Variants in PTPRR observed in about 807,000 individuals in gnomAD.
PTPRR encodes protein tyrosine phosphatase receptor type R.
Under a neutral mutation model 77.2 loss-of-function variants are expected in PTPRR, and 38 were observed. The ratio of observed to expected loss-of-function variants is 0.49; its 90% CI spans 0.38 to 0.65. PTPRR has a LOEUF of 0.65. Among genes scored for constraint, PTPRR ranks in the 30% least tolerant of loss-of-function variants. PTPRR has a pLI of 0.00. For missense variants in PTPRR, 744 were observed against 799.2 expected, an observed-to-expected ratio of 0.93 and a Z score of 0.83; for synonymous variants, 299 against 283.1, an observed-to-expected ratio of 1.06 and a Z score of -0.57.
At chr12:70,811,064 G>T (rs1401165402) in intron 2 of PTPRR, among the ~76,000 whole-genome samples, 1 of 152,212 alleles carries the variant, frequency 6.6e-6, no homozygotes, top group South Asian at 2.1e-4. Context: ...GTAGGATGTA[G>T]ATTCCCTATA....
At chr12:70,812,145 T>C (rs1284443115) in intron 2 of PTPRR, among the ~76,000 whole-genome samples, 1 of 152,134 alleles carries the variant, frequency 6.6e-6, no homozygotes. Flanking sequence ...TTTTTTAGAT[T>C]AGAAAAAATT....
intron 2 of PTPRR, among the ~76,000 whole-genome samples, chr12:70,890,877 G>A (rs10879214): frequency 0.31 from 47,648 of 151,828 alleles, 7,619 homozygotes; most frequent in Middle Eastern, 0.39. Context: ...TATGGAATGG[G>A]TCTTCAAATC....
intron 2 of PTPRR, among the ~76,000 whole-genome samples, chr12:70,810,911 T>A (rs1425138479): frequency 2.6e-5 from 4 of 152,162 alleles, no homozygotes; most frequent in African/African-American, 7.2e-5. Context: ...TGACTGCACA[T>A]CCTGTCAGCA....
chr12:70,797,863 C>T (rs896928481), intron 2 of PTPRR, among the ~76,000 whole-genome samples: 7 of 152,050 alleles, frequency 4.6e-5, no homozygotes, highest in Non-Finnish European at 1.0e-4. Flanking sequence ...AGGGTTCCTG[C>T]CTGGACACTT....
intron 2 of PTPRR, among the ~76,000 whole-genome samples, chr12:70,773,854 T>C (rs1891034472): frequency 6.6e-6 from 1 of 152,260 alleles, no homozygotes; most frequent in Non-Finnish European, 1.5e-5. Flanking sequence ...GCATCCATTA[T>C]ATAACAGAAT....
intron 12 of PTPRR, among the ~76,000 whole-genome samples, chr12:70,658,938 C>T (rs529364749): frequency 2.2e-4 from 26 of 116,616 alleles, no homozygotes; most frequent in Non-Finnish European, 3.1e-4. Context: ...CTTTCTCTGT[C>T]GCACAGGCTG....
At chr12:70,850,235 G>A (rs183741169) in intron 2 of PTPRR, among the ~76,000 whole-genome samples, 232 of 151,936 alleles carry the variant, frequency 1.5e-3, no homozygotes, top group African/African-American at 5.3e-3. Flanking sequence ...GGTGGCGGGC[G>A]CCTATAGTCC....
chr12:70,902,221 T>A (rs575792738), intron 1 of PTPRR, among the ~76,000 whole-genome samples: 329 of 152,064 alleles, frequency 2.2e-3, no homozygotes, highest in African/African-American at 7.5e-3. Flanking sequence ...CTGGTGGGAA[T>A]GTAAACTAGT....
In PTPRR at chr12:70,662,602, A is replaced by G. The variant is rs1373897931; in HGVS notation, c.1501T>C (p.Cys501Arg). The change falls in exon 11 of 14, where the codon TGT becomes CGT. Residue 501 changes from cysteine (C) to arginine (R), a missense_variant. Around this residue, in one of 3 missense-constraint regions of PTPRR, gnomAD observed 170 missense variants for 209.8 expected, o/e 0.81. Coordinates refer to ENST00000283228, the MANE Select transcript of PTPRR (RefSeq NM_002849.4). ...ITKLKEKNEK[C>R]VLYWPEKRGI... The stretch of plus-strand genomic sequence containing the variant: ...CTCTTTTCCGGCCAGTATAGCACAC[A>G]TTTCTGGAGGAAGGGAAAGAGAATA... The G allele has an allele frequency of 6.3e-7, 1 of 1,586,390 alleles. No homozygotes were observed. Among genetic ancestry groups the G allele is most frequent in the Non-Finnish European group, 8.6e-7 (1 of 1,158,712 alleles).
At chr12:70,711,731 A>C (rs547730623) in intron 6 of PTPRR, among the ~76,000 whole-genome samples, 7 of 152,130 alleles carry the variant, frequency 4.6e-5, no homozygotes, top group Admixed American at 4.6e-4. Flanking sequence ...CATTTATGCC[A>C]AGGATTATGT....
chr12:70,911,670 T>C (rs895556467), intron 1 of PTPRR, among the ~76,000 whole-genome samples: 2 of 148,402 alleles, frequency 1.3e-5, no homozygotes, highest in African/African-American at 5.0e-5. Flanking sequence ...TCGAGCTTCA[T>C]AGTCCACTAC....
At chr12:70,774,035 G>T (rs1891038240) in intron 2 of PTPRR, among the ~76,000 whole-genome samples, 1 of 152,176 alleles carries the variant, frequency 6.6e-6, no homozygotes, top group African/African-American at 2.4e-5. Context: ...AGAAACAGAG[G>T]CTTCCTTTCA....
In PTPRR at chr12:70,735,910, G is replaced by A. The variant is rs147284296; in HGVS notation, c.1007+9908C>T. On this transcript the variant is annotated intron_variant, in intron 6 of 13. Coordinates refer to ENST00000283228, the MANE Select transcript of PTPRR (RefSeq NM_002849.4). The stretch of plus-strand genomic sequence containing the variant: ...GCATCCTTCTATTACAGCAGCACGG[G>A]CAGCAGCTTAGTGCAGGCATGACCA... 1.7e-3 allele frequency among the ~76,000 whole-genome samples: 260 copies of A among 152,246 alleles called. 3 individuals carry two copies. The highest frequency in any genetic ancestry group is 6.0e-3 in the African/African-American group (250 of 41,524).
chr12:70,734,577 G>A (rs1042562049), intron 6 of PTPRR, among the ~76,000 whole-genome samples: 3 of 152,090 alleles, frequency 2.0e-5, no homozygotes, highest in Non-Finnish European at 2.9e-5. Context: ...GCCTGTATGA[G>A]GGGTGGTCTG....
At chr12:70,765,201 G>T (rs1035137790) in intron 2 of PTPRR, among the ~76,000 whole-genome samples, 10 of 152,324 alleles carry the variant, frequency 6.6e-5, no homozygotes, top group Admixed American at 5.2e-4. Context: ...CCGAAGCAGG[G>T]TGAGGCATTG....
At chr12:70,753,049 T>C (rs1410162232) in intron 5 of PTPRR, among the ~76,000 whole-genome samples, 1 of 152,216 alleles carries the variant, frequency 6.6e-6, no homozygotes, top group Non-Finnish European at 1.5e-5. Context: ...TCTTAATGCT[T>C]GACCCATAGG....
At chr12:70,652,344 G>A (rs942568909) in intron 13 of PTPRR, among the ~76,000 whole-genome samples, 11 of 152,166 alleles carry the variant, frequency 7.2e-5, no homozygotes, top group African/African-American at 2.4e-4. Flanking sequence ...AAACGAAAGG[G>A]ATAGGTTTTC....
chr12:70,730,321 G>A (rs1045193293), intron 6 of PTPRR, among the ~76,000 whole-genome samples: 3 of 152,116 alleles, frequency 2.0e-5, no homozygotes, highest in Non-Finnish European at 4.4e-5. Context: ...GACCTGCCTG[G>A]CCAACATGGT....
At chr12:70,693,656 G>A (rs765787178) in intron 8 of PTPRR, among the ~76,000 whole-genome samples, 2 of 151,902 alleles carry the variant, frequency 1.3e-5, no homozygotes, top group Admixed American at 6.6e-5. Flanking sequence ...AACTGAGTAT[G>A]GGGAAATGTA....
Sources: gnomAD v4.1 joint callset for allele counts (sites outside exome capture counted in the v4.1 genomes callset) on GRCh38, gnomAD v4.1.1 for gene constraint, gnomAD v4.1.1 regional missense constraint, MANE v1.5 for transcripts, NCBI Gene and HGNC (gene_info 2026-07-23, HGNC 2026-07-21) for gene names.